Variants in ACOT11 observed in about 807,000 individuals in gnomAD.
ACOT11 encodes the protein acyl-CoA thioesterase 11.
A neutral mutation model predicts 77.5 loss-of-function variants in ACOT11; 69 were observed. The observed-to-expected ratio is 0.89, with a 90% CI of 0.73 to 1.09. The LOEUF (loss-of-function observed/expected upper bound fraction) is 1.09. Ranked by LOEUF, ACOT11 falls within the 50% of genes least tolerant of loss-of-function variation. The pLI is 0.00. For missense variants in ACOT11, 766 were observed against 813.7 expected, an observed-to-expected ratio of 0.94 and a Z score of 0.71; for synonymous variants, 279 against 313.0, an observed-to-expected ratio of 0.89 and a Z score of 1.15.
chr1:54,588,485 G>A (rs1302031071), intron 3 of ACOT11, among the ~76,000 whole-genome samples: 1 of 152,188 alleles, frequency 6.6e-6, no homozygotes, highest in Non-Finnish European at 1.5e-5. Context: ...GCTAATGGAG[G>A]ACCCAGGATA....
Position 54,554,331 on chromosome 1 carries a change from G to GTATA in ACOT11, c.33+5990_33+5991insATAT, listed in dbSNP as rs1474648915. 1.9e-3 allele frequency among the ~76,000 whole-genome samples: 122 copies of GTATA among 63,290 alleles called. 2 individuals carry two copies. Among genetic ancestry groups the GTATA allele is most frequent in the East Asian group, 5.7e-3 (16 of 2,790 alleles). The allele number at this position is 63,290 out of a possible 152,430, so 41.5% of individuals were successfully genotyped here. A position where few individuals can be genotyped will look rare whatever the true frequency, so the allele number is the denominator to read the frequency against. On this transcript the variant is annotated intron_variant, in intron 1 of 15. Coordinates refer to ENST00000343744, the MANE Select transcript of ACOT11 (RefSeq NM_147161.4). Reference sequence around the variant, plus strand: ...TGTGTGTGTGTGTGTGTGTGTGTGTGTGTATATATATATATATATATTTTT... The same window carrying GTATA: ...TGTGTGTGTGTGTGTGTGTGTGTGTGTATATGTATATATATATATATATATTTTT...
chr1:54,607,922 G>GCTAC lies in ACOT11; in HGVS notation c.1503-18_1503-15dup, dbSNP rs753951692. Reference sequence around the variant, plus strand: ...TTCTGTGGCTGACCCCTGTCCCCTTGCTACCCTTCCTTCACTCAGGGACCC... The same window carrying GCTAC: ...TTCTGTGGCTGACCCCTGTCCCCTTGCTACCTACCCTTCCTTCACTCAGGGACCC... On this transcript the variant is annotated intron_variant, in intron 14 of 15. Transcript: ENST00000343744. This position sits in a 1 kb window ranked among gnomAD's most constrained non-coding sequence, Gnocchi z 4.5. 2.5e-6 allele frequency: 4 copies of GCTAC among 1,613,528 alleles called. No individual in the cohort carries two copies. In the East Asian group the frequency reaches 8.9e-5, roughly 36 times the overall value.
intron 1 of ACOT11, 122 bp downstream of exon 1, chr1:54,548,464 T>G: frequency 7.9e-7 from 1 of 1,260,646 alleles, no homozygotes; most frequent in Non-Finnish European, 1.1e-6. Context: ...GGCCATTTTC[T>G]AGCTCTCTTT....
rs766685859 is a variant in ACOT11, at chr1:54,609,802, G to C, written c.*690G>C. Reference sequence around the variant, plus strand: ...CCGCTATTTGCAAATGGATGCCCCAGTGTCCGGGATGTGTGGCCAGCTGCT... The same window carrying C: ...CCGCTATTTGCAAATGGATGCCCCACTGTCCGGGATGTGTGGCCAGCTGCT... On this transcript the variant is annotated 3_prime_UTR_variant, in exon 16 of 16. Transcript: ENST00000343744. The C allele has an allele frequency of 6.2e-7, 1 of 1,614,204 alleles. No individual in the cohort carries two copies. Among genetic ancestry groups the C allele is most frequent in the East Asian group, 2.2e-5 (1 of 44,886 alleles).
intron 1 of ACOT11, among the ~76,000 whole-genome samples, chr1:54,564,253 AAAAAT>A (rs968829521): frequency 3.3e-5 from 5 of 152,278 alleles, no homozygotes; most frequent in African/African-American, 1.2e-4. Context: ...AAGAAAAAGA[AAAAAT>A]AAAATAAAAA....
rs765127456 is a variant in ACOT11, at chr1:54,607,262, A to G, written c.1499A>G (p.Asn500Ser). Reference sequence around the variant, plus strand: ...GCCTCGAGGCGGAAGCCTTGTGACAATGGGTGTGTGCCTATCTGCTGTGGG... The same window carrying G: ...GCCTCGAGGCGGAAGCCTTGTGACAGTGGGTGTGTGCCTATCTGCTGTGGG... Reference protein sequence around the residue: ...ILASRRKPCDNGDPYVIALRS... With the variant: ...ILASRRKPCDSGDPYVIALRS... The change falls in exon 14 of 16, where the codon AAT (asparagine) becomes AGT (serine). Residue 500 changes from asparagine to serine, a missense_variant. Asn to Ser is a conservative substitution (Grantham distance 46). Coordinates refer to ENST00000343744, the MANE Select transcript of ACOT11 (RefSeq NM_147161.4). This position sits in a 1 kb window ranked among gnomAD's most constrained non-coding sequence, Gnocchi z 4.5. 8.7e-6 allele frequency: 14 copies of G among 1,614,028 alleles called. No individual in the cohort carries two copies. In the South Asian group the frequency reaches 1.2e-4, roughly 14 times the overall value.
Position 54,584,315 on chromosome 1 carries a change from A to T in ACOT11, c.34-340A>T, listed in dbSNP as rs1214072001. Among the ~76,000 whole-genome samples, 2 of 152,180 alleles carry T rather than the reference A, an allele frequency of 1.3e-5. No homozygotes were observed. The highest frequency in any genetic ancestry group is 2.4e-5 in the African/African-American group (1 of 41,452). On this transcript the variant is annotated intron_variant, in intron 1 of 15. Coordinates refer to ENST00000343744, the MANE Select transcript of ACOT11 (RefSeq NM_147161.4). The surrounding 1 kb of genome is among the most constrained non-coding windows in gnomAD (Gnocchi z 6.3). ...AGGCGACTCTTTCCAGAATGAACGT[A>T]AATCTAAGGCAACACTTTAAACAGT...
intron 1 of ACOT11, among the ~76,000 whole-genome samples, chr1:54,575,601 G>A (rs571595955): frequency 2.0e-5 from 3 of 152,264 alleles, no homozygotes; most frequent in African/African-American, 7.2e-5. Flanking sequence ...GGTCCACAGC[G>A]AGCCAGGCTC....
chr1:54,619,578 C>T (rs1411686562), intron 15 of ACOT11, among the ~76,000 whole-genome samples: 1 of 152,134 alleles, frequency 6.6e-6, no homozygotes, highest in African/African-American at 2.4e-5. Flanking sequence ...TAAAGGCTTC[C>T]TTACAGTTTG....
chr1:54,610,036 C>A lies in ACOT11; in HGVS notation c.*924C>A. On this transcript the variant is annotated 3_prime_UTR_variant, in exon 16 of 16. Transcript: ENST00000343744. ...AAAGGGGCAGTGGGAGTTATGGGGT[C>A]ATCAAGGACCTTGCCTCTCTGGAAT... 1 of 1,462,682 alleles carries A rather than the reference C, an allele frequency of 6.8e-7. No individual in the cohort carries two copies. The highest frequency in any genetic ancestry group is 1.4e-5 in the South Asian group (1 of 70,232). The allele number at this position is 1,462,682 out of a possible 1,614,324, so 90.6% of individuals were successfully genotyped here.
At chr1:54,582,451 AGTGTTTGGTGAAT>A (rs1258628852) in intron 1 of ACOT11, 3 of 985,290 alleles carry the variant, frequency 3.0e-6, no homozygotes, top group Non-Finnish European at 2.4e-6. Context: ...GTACAGAGGA[AGTGTTTGGTGAAT>A]GAACAAATGA....
chr1:54,551,139 A>G (rs1455329094), intron 1 of ACOT11, among the ~76,000 whole-genome samples: 4 of 151,556 alleles, frequency 2.6e-5, no homozygotes, highest in Non-Finnish European at 5.9e-5. Context: ...TCAAAAAAAA[A>G]AAAAAAAAAA....
intron 3 of ACOT11, among the ~76,000 whole-genome samples, chr1:54,590,072 A>T (rs1290616237): frequency 6.6e-6 from 1 of 151,080 alleles, no homozygotes; most frequent in Non-Finnish European, 1.5e-5. Flanking sequence ...TGGGCAATAG[A>T]GCGAGACTCT....
intron 6 of ACOT11, among the ~76,000 whole-genome samples, chr1:54,596,219 G>A (rs1201043250): frequency 6.6e-6 from 1 of 151,908 alleles, no homozygotes; most frequent in African/African-American, 2.4e-5. Context: ...TACCCTCCCC[G>A]TCCTGTCTCC....
intron 15 of ACOT11, 27 bp from the exon 16 acceptor site, chr1:54,608,930 C>T: frequency 6.2e-7 from 1 of 1,612,036 alleles, no homozygotes; most frequent in Non-Finnish European, 8.5e-7. Context: ...AGCTTGGTCC[C>T]CCTGAGCTTG....
At chr1:54,622,671 C>T (rs571668867) in intron 15 of ACOT11, among the ~76,000 whole-genome samples, 9 of 151,716 alleles carry the variant, frequency 5.9e-5, no homozygotes, top group South Asian at 4.2e-4. Flanking sequence ...TCCAGGAGGC[C>T]GAGGCTGCAG....
At chr1:54,589,618 GTGGCACCATACC>G (rs1163201178) in intron 3 of ACOT11, among the ~76,000 whole-genome samples, 1 of 152,038 alleles carries the variant, frequency 6.6e-6, no homozygotes, top group Admixed American at 6.6e-5. Context: ...CTACAGACAT[GTGGCACCATACC>G]TGGCTAATTA....
chr1:54,576,887 T>C (rs1011061769), intron 1 of ACOT11, among the ~76,000 whole-genome samples: 1 of 152,142 alleles, frequency 6.6e-6, no homozygotes, highest in Non-Finnish European at 1.5e-5. Flanking sequence ...GAAAGAATCT[T>C]GGAGACTCTC....
At chr1:54,612,956 G>A (rs1357277604), downstream of ACOT11, among the ~76,000 whole-genome samples, 1 of 152,104 alleles carries the variant, frequency 6.6e-6, no homozygotes, top group Non-Finnish European at 1.5e-5. Flanking sequence ...CTCATAGACA[G>A]CATCCCTTCC....
Sources: allele counts gnomAD v4.1 joint callset (sites outside exome capture counted in the v4.1 genomes callset), GRCh38; gene constraint gnomAD v4.1.1; non-coding constraint Gnocchi (gnomAD v3.1); transcripts MANE v1.5; gene names NCBI Gene and HGNC (gene_info 2026-07-23, HGNC 2026-07-21).